PSD3: variants seen among roughly 807,000 people sequenced by gnomAD.
The protein encoded by PSD3 is pleckstrin and Sec7 domain containing 3.
Under a neutral mutation model 105.5 loss-of-function variants are expected in PSD3, and 49 were observed. The ratio of observed to expected loss-of-function variants is 0.46; its 90% CI spans 0.37 to 0.59. The LOEUF is 0.59. Ranked by LOEUF, PSD3 falls within the 20% of genes least tolerant of loss-of-function variation. PSD3 has a pLI of 0.00. For missense variants in PSD3, 1,561 were observed against 1,263.8 expected (o/e 1.24, Z -3.57); for synonymous variants, 557 against 457.8 (o/e 1.22, Z -2.77).
At chr8:18,736,982 T>C (rs1256529494) in intron 9 of PSD3, among the ~76,000 whole-genome samples, 1 of 152,164 alleles carries the variant, frequency 6.6e-6, no homozygotes, top group Non-Finnish European at 1.5e-5. Flanking sequence ...CTGGACTAGA[T>C]GACATAAAAA....
At chr8:18,904,692 A>G (rs1456340308) in intron 2 of PSD3, among the ~76,000 whole-genome samples, 1 of 152,244 alleles carries the variant, frequency 6.6e-6, no homozygotes, top group Admixed American at 6.5e-5. Flanking sequence ...TGTTTACTCA[A>G]GGTCAGCAAA....
At chr8:18,870,495 A>C (rs1314524462) in intron 3 of PSD3, among the ~76,000 whole-genome samples, 3 of 152,146 alleles carry the variant, frequency 2.0e-5, no homozygotes, top group Non-Finnish European at 4.4e-5. Context: ...ACATATGGGC[A>C]CAGGGAGGGG....
At chr8:18,934,535 C>T (rs1301080706) in intron 2 of PSD3, among the ~76,000 whole-genome samples, 4 of 152,074 alleles carry the variant, frequency 2.6e-5, no homozygotes, top group African/African-American at 7.2e-5. Flanking sequence ...CTCAGCCTCC[C>T]GAGTAGCTGT....
At chr8:18,682,219 C>A (rs1332719800) in intron 9 of PSD3, among the ~76,000 whole-genome samples, 2 of 152,146 alleles carry the variant, frequency 1.3e-5, no homozygotes, top group African/African-American at 4.8e-5. Context: ...AGGACTACAA[C>A]AGAGTTAAGG....
intron 1 of PSD3, among the ~76,000 whole-genome samples, chr8:19,038,289 T>C (rs1030821617): frequency 6.6e-6 from 1 of 152,194 alleles, no homozygotes; most frequent in Non-Finnish European, 1.5e-5. Flanking sequence ...TGTTCCTCTC[T>C]TACCGTCTAA....
chr8:18,564,495 G>A (rs1302670426), intron 14 of PSD3, among the ~76,000 whole-genome samples: 3 of 152,082 alleles, frequency 2.0e-5, no homozygotes, highest in Non-Finnish European at 4.4e-5. Flanking sequence ...TGGGCATGGT[G>A]GTGCACACCT....
At chr8:18,625,431 G>C (rs970339692) in intron 11 of PSD3, among the ~76,000 whole-genome samples, 2 of 152,038 alleles carry the variant, frequency 1.3e-5, no homozygotes, top group East Asian at 1.9e-4. Context: ...TTTGGTATAA[G>C]GCTACAGGGA....
At chr8:18,865,296 T>G (rs1429630666) in intron 4 of PSD3, 1 of 76,502 alleles carries the variant, frequency 1.3e-5, no homozygotes, top group Non-Finnish European at 2.3e-5. Context: ...ATTTTTTTTT[T>G]TTTTTTTTTT....
intron 9 of PSD3, among the ~76,000 whole-genome samples, chr8:18,745,907 T>C (rs1242415257): frequency 1.3e-5 from 2 of 151,970 alleles, no homozygotes; most frequent in African/African-American, 4.9e-5. Flanking sequence ...TTATCATCTA[T>C]AGTATGTTTG....
At chr8:19,034,977 T>C (rs1481402541) in intron 1 of PSD3, among the ~76,000 whole-genome samples, 2 of 152,156 alleles carry the variant, frequency 1.3e-5, no homozygotes, top group Admixed American at 6.5e-5. Flanking sequence ...TTCATTCTAA[T>C]GCCACTCTTC....
intron 1 of PSD3, among the ~76,000 whole-genome samples, chr8:18,998,108 G>C (rs575973058): frequency 6.6e-6 from 1 of 152,036 alleles, no homozygotes; most frequent in East Asian, 1.9e-4. Context: ...ATGAATGTAT[G>C]AATGAAGGAA....
At chr8:18,721,566 T>C (rs1016033075) in intron 9 of PSD3, among the ~76,000 whole-genome samples, 1 of 152,114 alleles carries the variant, frequency 6.6e-6, no homozygotes, top group African/African-American at 2.4e-5. Context: ...GGTGATATTG[T>C]ATAAGGTTAG....
In PSD3 at chr8:18,749,840, A is replaced by G. The variant is rs143144898; in HGVS notation, c.2172+15609T>C. 1.3e-3 allele frequency among the ~76,000 whole-genome samples: 205 copies of G among 152,326 alleles called. 1 individual carries two copies. The highest frequency in any genetic ancestry group is 4.6e-3 in the African/African-American group (193 of 41,578). ...AGAAGCTGAGGAGGACCCCTGGGCA[A>G]CAACCAACAAGAAAAGGGGGACCGC... On this transcript the variant is annotated intron_variant, in intron 9 of 15. Transcript: ENST00000327040.
At chr8:18,654,247 C>G (rs866079308) in intron 10 of PSD3, among the ~76,000 whole-genome samples, 2 of 152,174 alleles carry the variant, frequency 1.3e-5, no homozygotes, top group South Asian at 4.1e-4. Context: ...GCTGATACTT[C>G]AAAAATAAAT....
rs965411468 is a variant in PSD3, at chr8:18,528,845, C to G, written c.*6898G>C. The G allele has an allele frequency of 6.6e-6, 1 of 152,648 alleles. No homozygotes were observed. The highest frequency in any genetic ancestry group is 2.4e-5 in the African/African-American group (1 of 41,474). The allele number at this position is 152,648 out of a possible 1,614,324, so 9.5% of individuals were successfully genotyped here. On this transcript the variant is annotated 3_prime_UTR_variant, in exon 16 of 16. Transcript: ENST00000327040. ...GGTGCTTATTTCTATAACACTATTCCTAAGAGCTTAGCTCTCTGCCCTGCA... is the reference window on the plus strand; with the variant it reads ...GGTGCTTATTTCTATAACACTATTCGTAAGAGCTTAGCTCTCTGCCCTGCA...
intron 4 of PSD3, chr8:18,864,737 T>C (rs1474517509): frequency 6.6e-6 from 1 of 152,120 alleles, no homozygotes; most frequent in Non-Finnish European, 1.5e-5. Flanking sequence ...AATATATTAA[T>C]ACAATGGGAA....
At chr8:18,567,750 AAAG>A (rs1801883284) in intron 14 of PSD3, among the ~76,000 whole-genome samples, 1 of 152,118 alleles carries the variant, frequency 6.6e-6, no homozygotes, top group Non-Finnish European at 1.5e-5. Context: ...TTCCCCCATC[AAAG>A]AAGGCCAATG....
intron 1 of PSD3, among the ~76,000 whole-genome samples, chr8:19,012,199 A>C (rs1165622647): frequency 6.6e-6 from 1 of 152,230 alleles, no homozygotes; most frequent in Non-Finnish European, 1.5e-5. Context: ...TCTATTAATG[A>C]AATATCTTAC....
intron 1 of PSD3, among the ~76,000 whole-genome samples, chr8:19,062,742 G>A (rs1210487059): frequency 1.3e-5 from 2 of 152,108 alleles, no homozygotes; most frequent in Non-Finnish European, 2.9e-5. Context: ...TTTGGGAAAC[G>A]CTACATTACA....
Sources: allele counts gnomAD v4.1 joint callset (sites outside exome capture counted in the v4.1 genomes callset), GRCh38; gene constraint gnomAD v4.1.1; transcripts MANE v1.5; gene names NCBI Gene and HGNC (gene_info 2026-07-23, HGNC 2026-07-21).